The following CADM2 variants were observed in gnomAD, a reference collection of about 807,000 sequenced individuals.
CADM2 encodes immunoglobulin superfamily member 4D.
In CADM2, 12 loss-of-function variants were observed where a neutral mutation model predicts 49.8. The observed-to-expected ratio is 0.24, with a 90% confidence interval of 0.15 to 0.39. The LOEUF (loss-of-function observed/expected upper bound fraction) is 0.39, where lower values mean the gene tolerates loss of function less well. Among genes scored for constraint, CADM2 ranks in the 10% least tolerant of loss-of-function variants. The probability of loss-of-function intolerance (pLI) is 1.00; values close to 1 mark genes in which losing one functional copy is unlikely to be tolerated. For synonymous variants in CADM2, 214 were observed against 175.4 expected, an observed-to-expected ratio of 1.22 and a Z score of -1.74; for missense variants, 378 against 492.3, an observed-to-expected ratio of 0.77 and a Z score of 2.20.
intron 1 of CADM2, among the ~76,000 whole-genome samples, chr3:85,513,659 T>G (rs1439992750): frequency 6.6e-6 from 1 of 151,946 alleles, no homozygotes; most frequent in Non-Finnish European, 1.5e-5. Context: ...TAGAAAAAAC[T>G]TTTTTGGCAT....
At chr3:85,245,868 T>C (rs1193687768) in intron 1 of CADM2, among the ~76,000 whole-genome samples, 3 of 152,266 alleles carry the variant, frequency 2.0e-5, no homozygotes, top group East Asian at 1.9e-4. Context: ...TAATAACTTA[T>C]GTAGGAATAA....
intron 8 of CADM2, among the ~76,000 whole-genome samples, chr3:85,980,491 G>A (rs1191128108): frequency 2.0e-5 from 3 of 151,538 alleles, no homozygotes; most frequent in Non-Finnish European, 4.4e-5. Context: ...TAAGTTTAAT[G>A]GTAGTAGCAA....
intron 1 of CADM2, among the ~76,000 whole-genome samples, chr3:85,427,205 T>G (rs2036455040): frequency 6.9e-6 from 1 of 145,246 alleles, no homozygotes; most frequent in Non-Finnish European, 1.5e-5. Flanking sequence ...TATATATGTA[T>G]AATAAGTTTG....
At chr3:85,595,076 C>A (rs1384821155) in intron 1 of CADM2, among the ~76,000 whole-genome samples, 1 of 152,026 alleles carries the variant, frequency 6.6e-6, no homozygotes, top group East Asian at 1.9e-4. Context: ...TCCCAAGGAT[C>A]TCCAAGCCCT....
intron 2 of CADM2, among the ~76,000 whole-genome samples, chr3:85,788,213 A>G (rs2071112219): frequency 6.6e-6 from 1 of 152,126 alleles, no homozygotes; most frequent in African/African-American, 2.4e-5. Context: ...ATTGAGGTAT[A>G]TTTTATCAGT....
chr3:85,264,005 T>G (rs1388816856), intron 1 of CADM2, among the ~76,000 whole-genome samples: 1 of 152,122 alleles, frequency 6.6e-6, no homozygotes, highest in Non-Finnish European at 1.5e-5. Flanking sequence ...TATTTCTACT[T>G]TATTCATAGG....
rs1419741616 is a variant in CADM2 at position 86,033,884 on chromosome 3, T to C, written c.971-31721T>C. ...ATAACAAATCCCTTAATTTTTCAAG[T>C]GTTTTAAAAAACAATTTTATACTTA... On this transcript the variant is annotated intron_variant, in intron 8 of 9. Transcript: ENST00000383699. Among the ~76,000 whole-genome samples, 3 of 149,800 alleles carry C rather than the reference T, an allele frequency of 2.0e-5. No individual in the cohort carries two copies. In the East Asian group the frequency reaches 5.8e-4, roughly 29 times the overall value.
At chr3:85,345,485 A>G (rs537977933) in intron 1 of CADM2, among the ~76,000 whole-genome samples, 2 of 152,170 alleles carry the variant, frequency 1.3e-5, no homozygotes, top group Non-Finnish European at 2.9e-5. Flanking sequence ...AGATGCAATG[A>G]GAATATAAAA....
At chr3:85,101,167 T>C (rs1436026244) in intron 1 of CADM2, among the ~76,000 whole-genome samples, 1 of 151,956 alleles carries the variant, frequency 6.6e-6, no homozygotes, top group African/African-American at 2.4e-5. Context: ...GGCGGGAGAA[T>C]TGCTTAAACA....
At chr3:85,347,223 C>CAAAAAAAAAAAAAAAAAAAAAA (rs11331703) in intron 1 of CADM2, among the ~76,000 whole-genome samples, 1 of 46,148 alleles carries the variant, frequency 2.2e-5, no homozygotes, top group Non-Finnish European at 3.4e-5. Flanking sequence ...CTCTGTCTCA[C>CAAAAAAAAAAAAAAAAAAAAAA]AAAAAAAAAA....
intron 2 of CADM2, among the ~76,000 whole-genome samples, chr3:85,735,705 A>T (rs2068105894): frequency 6.6e-6 from 1 of 152,162 alleles, no homozygotes; most frequent in African/African-American, 2.4e-5. Flanking sequence ...GGCTGGAAGT[A>T]GGACATGATA....
chr3:85,942,991 C>T (rs1722141439), intron 7 of CADM2, among the ~76,000 whole-genome samples: 1 of 152,118 alleles, frequency 6.6e-6, no homozygotes, highest in Non-Finnish European at 1.5e-5. Flanking sequence ...TCCTCTCCAG[C>T]ACCTGTTGTT....
chr3:85,971,261 A>C (rs948725187), intron 8 of CADM2, among the ~76,000 whole-genome samples: 2 of 151,544 alleles, frequency 1.3e-5, no homozygotes, highest in African/African-American at 4.8e-5. Context: ...ACGTTTTTTC[A>C]TGTATCATTT....
chr3:85,945,965 G>T (rs560441214), intron 7 of CADM2, among the ~76,000 whole-genome samples: 1 of 151,744 alleles, frequency 6.6e-6, no homozygotes, highest in South Asian at 2.1e-4. Context: ...AGGGTATTCA[G>T]TTAGGAAAAG....
chr3:85,008,176 G>A (rs1181191871), intron 1 of CADM2, among the ~76,000 whole-genome samples: 2 of 152,134 alleles, frequency 1.3e-5, no homozygotes, highest in African/African-American at 4.8e-5. Context: ...TTTTCAAATG[G>A]TGGAGTGAGA....
At chr3:85,408,016 AAAAAAAAAAAAAAAGAAGAAGAAG>A (rs1483597018) in intron 1 of CADM2, among the ~76,000 whole-genome samples, 3 of 148,860 alleles carry the variant, frequency 2.0e-5, no homozygotes, top group Non-Finnish European at 4.5e-5. Context: ...AAACCAAAAA[AAAAAAAAAAAAAAAGAAGAAGAAG>A]AAAAAAACGG....
chr3:85,820,900 ACT>A (rs1254496594), intron 3 of CADM2, among the ~76,000 whole-genome samples: 2 of 151,990 alleles, frequency 1.3e-5, no homozygotes, highest in Non-Finnish European at 2.9e-5. Flanking sequence ...GAATTTAAAT[ACT>A]CTTTTTATTT....
chr3:85,593,270 G>C (rs1339654096), intron 1 of CADM2, among the ~76,000 whole-genome samples: 1 of 151,892 alleles, frequency 6.6e-6, no homozygotes, highest in African/African-American at 2.4e-5. Flanking sequence ...TTGGTGTGCT[G>C]CACCCATTAA....
chr3:85,492,800 G>A (rs2039730492), intron 1 of CADM2, among the ~76,000 whole-genome samples: 1 of 151,906 alleles, frequency 6.6e-6, no homozygotes, highest in East Asian at 1.9e-4. Context: ...TTAAAAAGAG[G>A]TATTGAAGAT....
Sources: gnomAD v4.1 joint callset for allele counts (sites outside exome capture counted in the v4.1 genomes callset) on GRCh38, gnomAD v4.1.1 for gene constraint, MANE v1.5 for transcripts, NCBI Gene and HGNC (gene_info 2026-07-23, HGNC 2026-07-21) for gene names.